Variants in OGA observed in about 807,000 individuals in gnomAD.
OGA encodes protein O-GlcNAcase.
OGA carries 21 observed loss-of-function variants against 102.0 expected under a neutral mutation model. That is an observed-to-expected ratio of 0.21 (90% CI 0.15 to 0.30). OGA has a LOEUF of 0.30. Ranked by LOEUF, OGA falls within the 10% of genes least tolerant of loss-of-function variation. OGA has a pLI of 1.00. For missense variants in OGA, 765 were observed against 1,107.8 expected, an observed-to-expected ratio of 0.69 and a Z score of 4.39; for synonymous variants, 408 against 378.2, an observed-to-expected ratio of 1.08 and a Z score of -0.91.
chr10:101,791,185 C>A lies in OGA; in HGVS notation c.2262-97G>T. The A allele has an allele frequency of 1.1e-5, 15 of 1,336,348 alleles. 1 individual carries two copies. In the South Asian group the frequency reaches 2.0e-4, roughly 18 times the overall value. The allele number at this position is 1,336,348 out of a possible 1,614,324, so 82.8% of individuals were successfully genotyped here. On this transcript the variant is annotated intron_variant, in intron 13 of 15. Transcript: ENST00000361464. Reference sequence around the variant, plus strand: ...GACCCACTGTACTTGCATGAACTTACGGAACCTACATTTGGTGTAAGAAAC... The same window carrying A: ...GACCCACTGTACTTGCATGAACTTAAGGAACCTACATTTGGTGTAAGAAAC...
At chr10:101,789,359 G>A (rs1326530240) in intron 14 of OGA, among the ~76,000 whole-genome samples, 4 of 152,076 alleles carry the variant, frequency 2.6e-5, no homozygotes, top group African/African-American at 4.8e-5. Context: ...TTATCCGGGC[G>A]TGGTGGCACA....
In OGA at chr10:101,785,453, G is replaced by A. The variant is rs932795391; in HGVS notation, c.*998C>T. 1 of 152,636 alleles carries A rather than the reference G, an allele frequency of 6.6e-6. No individual in the cohort carries two copies. The highest frequency in any genetic ancestry group is 1.5e-5 in the Non-Finnish European group (1 of 68,052). 9.5% of individuals were successfully genotyped at this position (152,636 alleles called of 1,614,324 possible). On this transcript the variant is annotated 3_prime_UTR_variant, in exon 16 of 16. Transcript: ENST00000361464. ...TCAGTCCCTGAACCCTACCTGACAT[G>A]TCAAATCCAACATTTCACATGCTGA...
chr10:101,810,373 T>C, intron 3 of OGA, 59 bp from the exon 4 acceptor site: 1 of 1,467,476 alleles, frequency 6.8e-7, no homozygotes, highest in African/African-American at 1.4e-5. Context: ...GAACCTTCAC[T>C]GAAGGTTTAA....
rs747623980 is a variant in OGA, at chr10:101,797,966, C to T, written c.1984+14G>A. 2.5e-6 allele frequency: 4 copies of T among 1,606,988 alleles called. No homozygotes were observed. The highest frequency in any genetic ancestry group is 4.5e-5 in the East Asian group (2 of 44,852). ...ATATATTTGAGGAGAAGAGATTATTCCTGGTGCACCTACCTAACCACTGTA... is the reference window on the plus strand; with the variant it reads ...ATATATTTGAGGAGAAGAGATTATTTCTGGTGCACCTACCTAACCACTGTA... On this transcript the variant is annotated intron_variant, in intron 10 of 15. Coordinates refer to ENST00000361464, the MANE Select transcript of OGA (RefSeq NM_012215.5).
intron 14 of OGA, among the ~76,000 whole-genome samples, chr10:101,790,583 AT>A (rs1167794856): frequency 1.3e-5 from 2 of 152,140 alleles, no homozygotes; most frequent in Non-Finnish European, 2.9e-5. Flanking sequence ...GACCAAGACC[AT>A]AACATCTTTA....
rs560015461 is a variant in OGA, at chr10:101,810,192, A to G, written c.472T>C (p.Leu158=). Residue 158 remains leucine (L), a synonymous_variant, in exon 4 of 16, where the codon TTG becomes CTG. Coordinates refer to ENST00000361464, the MANE Select transcript of OGA (RefSeq NM_012215.5). ...PKEVSTLKRK[L]DQVSQFGCRS... ...AAAAAGTAAGGAGTTACCTGGTCCAATTTACGTTTCAATGTGGATACTTCC... is the reference window on the plus strand; with the variant it reads ...AAAAAGTAAGGAGTTACCTGGTCCAGTTTACGTTTCAATGTGGATACTTCC... 1.9e-6 allele frequency: 3 copies of G among 1,610,282 alleles called. No homozygotes were observed. The highest frequency in any genetic ancestry group is 2.2e-5 in the South Asian group (2 of 89,896).
chr10:101,818,204 C>T lies in OGA; in HGVS notation c.-182G>A, dbSNP rs1403233768. 6.6e-5 allele frequency: 89 copies of T among 1,345,684 alleles called. No individual in the cohort carries two copies. The highest frequency in any genetic ancestry group is 8.0e-5 in the Non-Finnish European group (84 of 1,052,434). 83.4% of individuals were successfully genotyped at this position (1,345,684 alleles called of 1,614,324 possible). A position where few individuals can be genotyped will look rare whatever the true frequency, so the allele number is the denominator to read the frequency against. On this transcript the variant is annotated 5_prime_UTR_variant, in exon 1 of 16. Transcript: ENST00000361464. ...GACCCGAATGCCCGGATGAGAAGGG[C>T]GGCGGCACCGGCGCGAGCCCTTTGT...
Position 101,807,799 on chromosome 10 carries a change from G to C in OGA, c.583C>G (p.Gln195Glu). 1 of 1,611,872 alleles carries C rather than the reference G, an allele frequency of 6.2e-7. No homozygotes were observed. The highest frequency in any genetic ancestry group is 8.5e-7 in the Non-Finnish European group (1 of 1,179,006). ...KEVFSSFAHA[Q>E]VSITNEIYQY... is the part of the protein sequence containing the mutation. Reference sequence around the variant, plus strand: ...TAGATTTCATTTGTGATGGAGACTTGGGCATGAGCAAAAGAACTGAATACC... The same window carrying C: ...TAGATTTCATTTGTGATGGAGACTTCGGCATGAGCAAAAGAACTGAATACC... Residue 195 changes from glutamine to glutamate, a missense_variant, in exon 5 of 16, where the codon CAA (glutamine) becomes GAA (glutamate). Gln to Glu is a conservative substitution (Grantham distance 29). Coordinates refer to ENST00000361464, the MANE Select transcript of OGA (RefSeq NM_012215.5).
intron 3 of OGA, 153 bp downstream of exon 3, chr10:101,812,877 A>G: frequency 1.4e-6 from 1 of 717,584 alleles, no homozygotes. Flanking sequence ...GCACTCTTTC[A>G]ATCTCAGCTA....
At chr10:101,795,884 G>C (rs1377564061) in intron 10 of OGA, 1 of 978,444 alleles carries the variant, frequency 1.0e-6, no homozygotes, top group African/African-American at 1.8e-5. Context: ...GGCTGGACAA[G>C]CTTGCTGTAA....
At chr10:101,786,648 A>G in intron 15 of OGA, 61 bp from the exon 16 acceptor site, 2 of 1,297,336 alleles carry the variant, frequency 1.5e-6, no homozygotes, top group Non-Finnish European at 2.1e-6. Flanking sequence ...AATTATAGAT[A>G]TAAAACTATA....
chr10:101,815,246 T>C (rs2065606420), intron 1 of OGA, among the ~76,000 whole-genome samples: 1 of 152,110 alleles, frequency 6.6e-6, no homozygotes, highest in African/African-American at 2.4e-5. Context: ...ATCTGGACAA[T>C]CTAATGTTAG....
intron 1 of OGA, among the ~76,000 whole-genome samples, chr10:101,817,407 T>C (rs563424667): frequency 2.6e-5 from 4 of 152,274 alleles, no homozygotes; most frequent in Admixed American, 2.0e-4. Flanking sequence ...ACTCCAGAAG[T>C]ACAAGCACGT....
At chr10:101,804,995 T>A (rs1442848256) in intron 6 of OGA, among the ~76,000 whole-genome samples, 1 of 152,176 alleles carries the variant, frequency 6.6e-6, no homozygotes, top group East Asian at 1.9e-4. Context: ...AAGGATGGGA[T>A]CAATACCTTT....
intron 6 of OGA, 44 bp from the exon 7 acceptor site, chr10:101,804,063 G>C: frequency 6.5e-7 from 1 of 1,544,386 alleles, no homozygotes; most frequent in Non-Finnish European, 8.8e-7. Context: ...CATGGTTCTT[G>C]GCTAGACGCA....
At chr10:101,787,590 A>AC (rs2065205877) in intron 14 of OGA, 67 bp from the exon 15 acceptor site, 3 of 1,321,614 alleles carry the variant, frequency 2.3e-6, no homozygotes, top group Non-Finnish European at 3.2e-6. Context: ...CAACTACAGA[A>AC]CTTAGCAACA....
At chr10:101,813,996 C>G (rs1589842167) in intron 1 of OGA, among the ~76,000 whole-genome samples, 1 of 152,196 alleles carries the variant, frequency 6.6e-6, no homozygotes, top group East Asian at 1.9e-4. Context: ...CCAACAGTAA[C>G]AATTACTTCC....
chr10:101,792,923 C>T lies in OGA; in HGVS notation c.2091G>A (p.Gly697=). The T allele has an allele frequency of 6.2e-7, 1 of 1,613,536 alleles. No individual in the cohort carries two copies. The stretch of plus-strand genomic sequence containing the variant: ...GTGGCTGAAAAAAGAGATCATTTGC[C>T]CCATCAATTGGCAGCAAACGCTGTG... ...GEFQRLLPID[G]ANDLFFQPPP... Residue 697 remains glycine, a synonymous_variant, in exon 12 of 16, where the codon GGG becomes GGA. Coordinates refer to ENST00000361464, the MANE Select transcript of OGA (RefSeq NM_012215.5).
chr10:101,793,741 A>G, intron 11 of OGA, 172 bp downstream of exon 11: 1 of 544,620 alleles, frequency 1.8e-6, no homozygotes. Context: ...TCCTTCAGAA[A>G]TTACTGTGAA....
Sources: allele counts gnomAD v4.1 joint callset (sites outside exome capture counted in the v4.1 genomes callset), GRCh38; gene constraint gnomAD v4.1.1; transcripts MANE v1.5; gene names NCBI Gene and HGNC (gene_info 2026-07-23, HGNC 2026-07-21).